SMARCA2: variants seen among roughly 807,000 people sequenced by gnomAD.
SMARCA2 encodes the protein SWI/SNF related BAF chromatin remodeling complex subunit ATPase 2.
Under a neutral mutation model 199.8 loss-of-function variants are expected in SMARCA2, and 61 were observed. That is an observed-to-expected ratio of 0.31 (90% CI 0.25 to 0.38). The LOEUF is 0.38. Ranked by LOEUF, SMARCA2 falls within the 10% of genes least tolerant of loss-of-function variation. The probability of loss-of-function intolerance (pLI) is 1.00; values close to 1 mark genes in which losing one functional copy is unlikely to be tolerated. For missense variants in SMARCA2, 1,344 were observed against 2,012.2 expected, an observed-to-expected ratio of 0.67 and a Z score of 6.35; for synonymous variants, 935 against 732.0, an observed-to-expected ratio of 1.28 and a Z score of -4.48.
intron 3 of SMARCA2, among the ~76,000 whole-genome samples, chr9:2,035,194 A>T (rs1477060397): frequency 1.3e-5 from 2 of 152,022 alleles, no homozygotes. Context: ...GGCGTGTGCC[A>T]CCACACCCAG....
At chr9:2,165,891 C>T (rs1378859169) in intron 28 of SMARCA2, among the ~76,000 whole-genome samples, 1 of 152,194 alleles carries the variant, frequency 6.6e-6, no homozygotes, top group Non-Finnish European at 1.5e-5. Flanking sequence ...CCTGGCCCAA[C>T]TTCCCACAAT....
chr9:2,189,750 A>T (rs1050150176), intron 32 of SMARCA2, among the ~76,000 whole-genome samples: 1 of 151,938 alleles, frequency 6.6e-6, no homozygotes, highest in South Asian at 2.1e-4. Flanking sequence ...TATTTTGTGT[A>T]TTAGGATTTG....
At chr9:2,101,448 C>A in intron 21 of SMARCA2, 122 bp from the exon 22 acceptor site, 1 of 509,076 alleles carries the variant, frequency 2.0e-6, no homozygotes, top group Non-Finnish European at 3.5e-6. Context: ...AAGTTTTTTG[C>A]TTATTCATTA....
At chr9:2,060,204 A>C (rs1429888584) in intron 8 of SMARCA2, among the ~76,000 whole-genome samples, 1 of 151,964 alleles carries the variant, frequency 6.6e-6, no homozygotes, top group Non-Finnish European at 1.5e-5. Context: ...GCCAAAAAGA[A>C]AGACTTTTTA....
At chr9:2,040,726 C>G (rs1335941748) in intron 4 of SMARCA2, 1 of 152,168 alleles carries the variant, frequency 6.6e-6, no homozygotes, top group Admixed American at 6.5e-5. Context: ...TTCAACATGG[C>G]CTATTTCTTA....
At chr9:2,087,821 T>TG (rs1206975146) in intron 18 of SMARCA2, among the ~76,000 whole-genome samples, 3 of 152,244 alleles carry the variant, frequency 2.0e-5, no homozygotes, top group African/African-American at 7.2e-5. Flanking sequence ...TTGAGGCACA[T>TG]GGGCCCATCC....
Position 2,132,625 on chromosome 9 carries a change from G to C in SMARCA2, c.3981+8688G>C, listed in dbSNP as rs533574396. On this transcript the variant is annotated intron_variant, in intron 27 of 33. Coordinates refer to ENST00000349721, the MANE Select transcript of SMARCA2 (RefSeq NM_003070.5). ...AATGGCATTTTAACTTTTAAAATTGGGTCATCAGATTTACTGGGGCAAAAT... is the reference window on the plus strand; with the variant it reads ...AATGGCATTTTAACTTTTAAAATTGCGTCATCAGATTTACTGGGGCAAAAT... Among the ~76,000 whole-genome samples the C allele has an allele frequency of 1.1e-3, 169 of 152,080 alleles. 1 individual carries two copies. The highest frequency in any genetic ancestry group is 3.9e-3 in the African/African-American group (162 of 41,490).
rs1820440661 is a variant in SMARCA2 at position 2,058,234 on chromosome 9, G to A, written c.1348-57G>A. The A allele has an allele frequency of 3.4e-6, 5 of 1,457,716 alleles. No homozygotes were observed. In the African/African-American group the frequency reaches 6.9e-5, roughly 20 times the overall value. The allele number at this position is 1,457,716 out of a possible 1,614,324, so 90.3% of individuals were successfully genotyped here. On this transcript the variant is annotated intron_variant, in intron 7 of 33. Coordinates refer to ENST00000349721, the MANE Select transcript of SMARCA2 (RefSeq NM_003070.5). Reference sequence around the variant, plus strand: ...TTTCTTGGACAACACTGATAGCTCAGAGGACACTGGTCATTGGATTTTAAG... The same window carrying A: ...TTTCTTGGACAACACTGATAGCTCAAAGGACACTGGTCATTGGATTTTAAG...
rs138578190 is a variant in SMARCA2, at chr9:2,065,443, GTCTC to G, written c.1692+4471_1692+4474del. Among the ~76,000 whole-genome samples, 352 of 150,444 alleles carry G rather than the reference GTCTC, an allele frequency of 2.3e-3. 4 individuals carry two copies. The highest frequency in any genetic ancestry group is 8.2e-3 in the African/African-American group (336 of 41,214). The stretch of plus-strand genomic sequence containing the variant: ...TTCTTTCTGAAAGTTCTTTTATCCT[GTCTC>G]TCTCTCTCTCTCTTTCTCCTTACCA... On this transcript the variant is annotated intron_variant, in intron 9 of 33. Transcript: ENST00000349721.
In SMARCA2 at chr9:2,110,533, C is replaced by G. The variant is rs143359050; in HGVS notation, c.3456+116C>G. 7.3e-4 allele frequency: 573 copies of G among 782,966 alleles called. 2 individuals carry two copies. The African/African-American group carries it at 8.6e-3, about 12-fold the overall frequency. The allele number at this position is 782,966 out of a possible 1,614,324, so 48.5% of individuals were successfully genotyped here. On this transcript the variant is annotated intron_variant, in intron 24 of 33. Transcript: ENST00000349721. The surrounding 1 kb of genome is among the most constrained non-coding windows in gnomAD (Gnocchi z 4.8). ...AAATATCTAAACGAGTGGGCTGTTG[C>G]TTTCTTGGAGCCAATTCTTCTGGCT... is the stretch of plus-strand genomic sequence containing the variant.
chr9:2,065,060 C>T (rs1192041077), intron 9 of SMARCA2, among the ~76,000 whole-genome samples: 1 of 152,272 alleles, frequency 6.6e-6, no homozygotes, highest in South Asian at 2.1e-4. Context: ...TGGCAGGCAC[C>T]TGTAGTCCCA....
intron 27 of SMARCA2, among the ~76,000 whole-genome samples, chr9:2,155,209 A>C (rs1825287812): frequency 6.6e-6 from 1 of 152,206 alleles, no homozygotes; most frequent in African/African-American, 2.4e-5. Flanking sequence ...ATTGTGTTTA[A>C]TACTGCTTAA....
intron 1 of SMARCA2, among the ~76,000 whole-genome samples, chr9:2,024,433 G>A (rs1205221948): frequency 6.6e-6 from 1 of 152,102 alleles, no homozygotes; most frequent in African/African-American, 2.4e-5. Context: ...TGTGGGGTAA[G>A]CCTTCTATTC....
chr9:2,097,112 C>T (rs1045293844), intron 20 of SMARCA2: 60 of 484,238 alleles, frequency 1.2e-4, no homozygotes, highest in African/African-American at 8.7e-4. Context: ...CGGAGTCCTA[C>T]GGAATAGACA....
At chr9:2,087,378 T>C in intron 18 of SMARCA2, 1 of 300,948 alleles carries the variant, frequency 3.3e-6, no homozygotes, top group Non-Finnish European at 6.2e-6. Flanking sequence ...AGGATGAACA[T>C]GGAGATATTT....
rs531491368 is a variant in SMARCA2 at position 2,125,474 on chromosome 9, A to C, written c.3981+1537A>C. ...TATTATTACAGCAGACGGGACAATA[A>C]TAATCTGGGCCAACCTTTTTTTTTT... On this transcript the variant is annotated intron_variant, in intron 27 of 33. Coordinates refer to ENST00000349721, the MANE Select transcript of SMARCA2 (RefSeq NM_003070.5). 2.6e-5 allele frequency among the ~76,000 whole-genome samples: 4 copies of C among 151,054 alleles called. No homozygotes were observed. In the East Asian group the frequency reaches 7.8e-4, roughly 30 times the overall value.
intron 6 of SMARCA2, 66 bp downstream of exon 6, chr9:2,054,789 C>T: frequency 3.3e-6 from 5 of 1,528,664 alleles, no homozygotes. Flanking sequence ...AAAGTGTTAT[C>T]TGTGTTGCCT....
chr9:2,151,528 T>C (rs1340950751), intron 27 of SMARCA2, among the ~76,000 whole-genome samples: 1 of 151,846 alleles, frequency 6.6e-6, no homozygotes, highest in African/African-American at 2.4e-5. Flanking sequence ...GGCCACGAAT[T>C]TGAGACCAGC....
rs1819461562 is a variant in SMARCA2, at chr9:2,039,110, T to A, written c.356-356T>A. 6.6e-6 allele frequency among the ~76,000 whole-genome samples: 1 copy of A among 152,280 alleles called. No individual in the cohort carries two copies. The highest frequency in any genetic ancestry group is 1.9e-4 in the East Asian group (1 of 5,176). ...TGTCCTTTAAGTGTAAAATATTTAG[T>A]GGATTTCAAAGACTTAATATGAAAA... On this transcript the variant is annotated intron_variant, in intron 3 of 33. Coordinates refer to ENST00000349721, the MANE Select transcript of SMARCA2 (RefSeq NM_003070.5). This position sits in a 1 kb window ranked among gnomAD's most constrained non-coding sequence, Gnocchi z 4.8.
Sources: gnomAD v4.1 joint callset for allele counts (sites outside exome capture counted in the v4.1 genomes callset) on GRCh38, gnomAD v4.1.1 for gene constraint, Gnocchi (gnomAD v3.1) non-coding constraint, MANE v1.5 for transcripts, NCBI Gene and HGNC (gene_info 2026-07-23, HGNC 2026-07-21) for gene names.